The following CSF2RA variants were observed in gnomAD, a reference collection of about 807,000 sequenced individuals.
CSF2RA encodes the protein granulocyte-macrophage colony-stimulating factor receptor subunit alpha.
A neutral mutation model predicts 51.6 loss-of-function variants in CSF2RA; 42 were observed. The observed-to-expected ratio is 0.81, with a 90% confidence interval of 0.64 to 1.05. CSF2RA has a LOEUF of 1.05. Ranked by LOEUF, CSF2RA falls within the 50% of genes least tolerant of loss-of-function variation. The pLI is 0.00. For missense variants in CSF2RA, 530 were observed against 501.1 expected (o/e 1.06, Z -0.55); for synonymous variants, 222 against 193.0 (o/e 1.15, Z -1.24).
chrX:1,296,261 C>A (rs1247824056), intron 9 of CSF2RA, among the ~76,000 whole-genome samples: 1 of 150,328 alleles, frequency 6.7e-6, no homozygotes, highest in Non-Finnish European at 1.5e-5. Flanking sequence ...CCTAGTGTAA[C>A]CCTACAGTCT....
At chrX:1,314,588 CT>C (rs2084421788), downstream of CSF2RA, among the ~76,000 whole-genome samples, 1 of 36,550 alleles carries the variant, frequency 2.7e-5, no homozygotes, top group African/African-American at 9.8e-5. Flanking sequence ...CCCAACCCCA[CT>C]GCACCTGCCC....
intron 4 of CSF2RA, among the ~76,000 whole-genome samples, chrX:1,287,547 G>C (rs1177014969): frequency 1.3e-5 from 2 of 149,570 alleles, no homozygotes; most frequent in South Asian, 2.1e-4. Context: ...GGGTTCAAGA[G>C]ATTCTCCTGC....
chrX:1,318,049 A>C, the CSF2RA span, among the ~76,000 whole-genome samples: 11 of 150,440 alleles, frequency 7.3e-5, no homozygotes, highest in East Asian at 3.9e-4. Flanking sequence ...AGTGCAGTGG[A>C]GCGATCTCGG....
In CSF2RA at chrX:1,305,477, G is replaced by C. The variant is rs2083465610; in HGVS notation, c.1075G>C (p.Val359Leu). 6.2e-7 allele frequency: 1 copy of C among 1,613,966 alleles called. No individual in the cohort carries two copies. The highest frequency in any genetic ancestry group is 8.5e-7 in the Non-Finnish European group (1 of 1,179,862). ...TAGGATACAGCGGCTGTTCCCGCCA[G>C]TTCCACAGATCAAAGACAAACTGAA... is the stretch of plus-strand genomic sequence containing the variant. ...FLRIQRLFPP[V>L]PQIKDKLNDN... The change falls in exon 12 of 13, where the codon GTT (valine) becomes CTT (leucine). Residue 359 changes from valine (V) to leucine (L), a missense_variant. Val to Leu is a conservative substitution (Grantham distance 32). Coordinates refer to ENST00000381529, the MANE Select transcript of CSF2RA (RefSeq NM_172245.4).
downstream of CSF2RA, among the ~76,000 whole-genome samples, chrX:1,312,229 A>G (rs28578247): frequency 0.84 from 128,437 of 152,024 alleles, 54,684 homozygotes; most frequent in African/African-American, 0.96. Context: ...GTGAACCACC[A>G]CACCTGTTCC....
At chrX:1,309,298 G>C in intron 12 of CSF2RA, 104 bp from the exon 13 acceptor site, 1 of 1,226,858 alleles carries the variant, frequency 8.2e-7, no homozygotes, top group East Asian at 2.4e-5. Flanking sequence ...CTGGGCAATA[G>C]AATGAGACTC....
intron 2 of CSF2RA, among the ~76,000 whole-genome samples, chrX:1,275,799 C>T (rs1443838134): frequency 5.3e-4 from 80 of 151,952 alleles, no homozygotes; most frequent in African/African-American, 1.8e-3. Context: ...ACTTCGTGAT[C>T]CGCCCGCCTC....
chrX:1,323,032 G>A, the CSF2RA span, among the ~76,000 whole-genome samples: 3 of 151,904 alleles, frequency 2.0e-5, no homozygotes, highest in African/African-American at 7.3e-5. Context: ...GGGAGGCTGA[G>A]GCAGGAGAAT....
downstream of CSF2RA, among the ~76,000 whole-genome samples, chrX:1,310,561 G>A (rs1275458101): frequency 8.0e-5 from 12 of 150,648 alleles, no homozygotes; most frequent in East Asian, 1.2e-3. Flanking sequence ...CCAGCTACTC[G>A]GGAGGCTGAG....
intron 7 of CSF2RA, among the ~76,000 whole-genome samples, 194 bp downstream of exon 7, chrX:1,290,703 A>C (rs2091318351): frequency 6.6e-6 from 1 of 152,000 alleles, no homozygotes; most frequent in East Asian, 1.9e-4. Flanking sequence ...CATCTCTACT[A>C]AAAATACAAA....
downstream of CSF2RA, among the ~76,000 whole-genome samples, chrX:1,314,022 T>C (rs1569514594): frequency 6.6e-6 from 1 of 151,712 alleles, no homozygotes; most frequent in East Asian, 1.9e-4. Context: ...TAAAATTAAA[T>C]TAAAATAAAA....
At chrX:1,293,904 GGAGAA>G in intron 7 of CSF2RA, 1 of 332,260 alleles carries the variant, frequency 3.0e-6, no homozygotes, top group Non-Finnish European at 5.8e-6. Flanking sequence ...AGTGTAGACA[GGAGAA>G]GACTCTGCCC....
chrX:1,280,874 T>TCCTCCTC (rs2089848445), intron 2 of CSF2RA, among the ~76,000 whole-genome samples: 6 of 37,944 alleles, frequency 1.6e-4, no homozygotes, highest in African/African-American at 3.6e-4. Flanking sequence ...TCCTCCTCCT[T>TCCTCCTC]CTCCTGCTCC....
chrX:1,314,967 A>T (rs1489869538), downstream of CSF2RA, among the ~76,000 whole-genome samples: 524 of 105,224 alleles, frequency 5.0e-3, 63 homozygotes, highest in African/African-American at 0.017. Flanking sequence ...GCCCAACCCC[A>T]CTGTGCCTGC....
In CSF2RA at chrX:1,288,515, TC is replaced by T. The variant is rs1406058411; in HGVS notation, c.220-3del. ...ATCGGCTCTGTCTGGTTGCAATTCT[TC>T]AGCTCAGTAACAACGAATGTTCGTG... On this transcript the variant is annotated splice_region_variant and splice_polypyrimidine_tract_variant and intron_variant, in intron 4 of 12. Transcript: ENST00000381529. 1 of 1,613,948 alleles carries T rather than the reference TC, an allele frequency of 6.2e-7. No individual in the cohort carries two copies. Among genetic ancestry groups the T allele is most frequent in the Middle Eastern group, 1.7e-4 (1 of 6,056 alleles).
At position 1,271,984 on chromosome X, in the gene CSF2RA, C is replaced by T. The variant is rs192726846; in HGVS notation, c.-90-2771C>T. ...CTTTTTTTTTTTTGAGACGGAGTCT[C>T]GCTCTGTCACCGAGGCTGGAGTGCA... is the stretch of plus-strand genomic sequence containing the variant. On this transcript the variant is annotated intron_variant, in intron 1 of 12. Transcript: ENST00000381529. 5.9e-4 allele frequency among the ~76,000 whole-genome samples: 87 copies of T among 147,248 alleles called. No individual in the cohort carries two copies. In the East Asian group the frequency reaches 0.015, roughly 26 times the overall value.
chrX:1,270,080 G>T (rs2088178525), intron 1 of CSF2RA, among the ~76,000 whole-genome samples: 1 of 152,036 alleles, frequency 6.6e-6, no homozygotes, highest in Admixed American at 6.6e-5. Flanking sequence ...TTGCACTCCA[G>T]CCTGGGCAAC....
downstream of CSF2RA, among the ~76,000 whole-genome samples, chrX:1,315,161 T>C (rs1862914979): frequency 6.6e-6 from 1 of 152,002 alleles, no homozygotes; most frequent in South Asian, 2.1e-4. Flanking sequence ...AGATCAGGGT[T>C]GTGCAGGTGG....
At chrX:1,275,816 C>T (rs1353481085) in intron 2 of CSF2RA, among the ~76,000 whole-genome samples, 2 of 152,040 alleles carry the variant, frequency 1.3e-5, no homozygotes, top group Non-Finnish European at 2.9e-5. Context: ...CCTCAGCCTC[C>T]CAAAGTGTTG....
Sources: allele counts gnomAD v4.1 joint callset (sites outside exome capture counted in the v4.1 genomes callset), GRCh38; gene constraint gnomAD v4.1.1; transcripts MANE v1.5; gene names NCBI Gene and HGNC (gene_info 2026-07-23, HGNC 2026-07-21).